The following PLCB4 variants were observed in gnomAD, a reference collection of about 807,000 sequenced individuals.
PLCB4 encodes phospholipase C beta 4.
A neutral mutation model predicts 178.8 loss-of-function variants in PLCB4; 77 were observed. The observed-to-expected ratio is 0.43, with a 90% CI of 0.36 to 0.52. The LOEUF is 0.52. Among genes scored for constraint, PLCB4 ranks in the 20% least tolerant of loss-of-function variants. PLCB4 has a pLI of 0.00. For missense variants in PLCB4, 1,024 were observed against 1,453.4 expected, an observed-to-expected ratio of 0.70 and a Z score of 4.80; for synonymous variants, 496 against 490.8, an observed-to-expected ratio of 1.01 and a Z score of -0.14.
intron 3 of PLCB4, among the ~76,000 whole-genome samples, chr20:9,291,253 G>A (rs2094577323): frequency 6.6e-6 from 1 of 152,134 alleles, no homozygotes; most frequent in South Asian, 2.1e-4. Flanking sequence ...TGATGTGAAT[G>A]AAATAGACTC....
intron 7 of PLCB4, 44 bp downstream of exon 7, chr20:9,339,081 A>G (rs1177337865): frequency 6.7e-7 from 1 of 1,484,462 alleles, no homozygotes; most frequent in South Asian, 1.2e-5. Flanking sequence ...CACCATGTAT[A>G]TATGTTGTGT....
At chr20:9,463,871 T>C (rs2043579348) in intron 35 of PLCB4, among the ~76,000 whole-genome samples, 2 of 152,054 alleles carry the variant, frequency 1.3e-5, no homozygotes, top group East Asian at 1.9e-4. Context: ...GACAGATCAA[T>C]GAGACAGAAG....
intron 2 of PLCB4, among the ~76,000 whole-genome samples, chr20:9,148,370 T>C (rs893248526): frequency 6.6e-6 from 1 of 152,106 alleles, no homozygotes; most frequent in Non-Finnish European, 1.5e-5. Context: ...ATATAAATGA[T>C]TTTTGAAATA....
chr20:9,420,743 T>C (rs537596017), intron 26 of PLCB4, among the ~76,000 whole-genome samples: 36 of 152,380 alleles, frequency 2.4e-4, no homozygotes, highest in African/African-American at 8.4e-4. Context: ...TAAGTGGCTA[T>C]AGTCATTTAA....
intron 2 of PLCB4, among the ~76,000 whole-genome samples, chr20:9,163,906 A>G (rs111751698): frequency 1.5e-3 from 234 of 152,268 alleles, no homozygotes; most frequent in African/African-American, 5.2e-3. Context: ...ATTAAGATGA[A>G]CCACCTGCTT....
chr20:9,297,165 C>G (rs73600228), intron 3 of PLCB4, among the ~76,000 whole-genome samples: 1 of 151,526 alleles, frequency 6.6e-6, no homozygotes, highest in Non-Finnish European at 1.5e-5. Flanking sequence ...GCACCCCCCC[C>G]CACACCATAT....
chr20:9,400,776 T>A (rs2038964535), intron 19 of PLCB4, among the ~76,000 whole-genome samples: 1 of 152,186 alleles, frequency 6.6e-6, no homozygotes, highest in South Asian at 2.1e-4. Context: ...ACGAACATCC[T>A]GGGTGGATTC....
Position 9,443,994 on chromosome 20 carries a change from C to G in PLCB4, c.2778C>G (p.Ile926Met), listed in dbSNP as rs144853204. ...TTGTTTGTTTAGGTATTGAACTTAT[C>G]CCTCAAGTAAGGATAGAAGACTTAA... Reference protein sequence around the residue: ...GVEAKKGIELIPQVRIEDLKQ... With the variant: ...GVEAKKGIELMPQVRIEDLKQ... Residue 926 changes from isoleucine to methionine, a missense_variant, in exon 31 of 40, where the codon ATC becomes ATG. Physicochemically the swap from Ile to Met is conservative, Grantham distance 10. Coordinates refer to ENST00000378473, the MANE Select transcript of PLCB4 (RefSeq NM_001377142.1). The G allele has an allele frequency of 6.3e-7, 1 of 1,592,192 alleles. No homozygotes were observed. The highest frequency in any genetic ancestry group is 2.2e-5 in the East Asian group (1 of 44,658).
chr20:9,473,189 AAAT>A, intron 37 of PLCB4, 87 bp from the exon 38 acceptor site: 4 of 733,354 alleles, frequency 5.5e-6, no homozygotes, highest in Non-Finnish European at 8.7e-6. Context: ...TCTTTCACTT[AAAT>A]TATAAAGTTA....
At chr20:9,408,596 C>T (rs2039630779) in intron 22 of PLCB4, 37 bp from the exon 23 acceptor site, 6 of 1,021,402 alleles carry the variant, frequency 5.9e-6, no homozygotes, top group Admixed American at 1.8e-5. Flanking sequence ...GGTTTGATGG[C>T]AGAGTTCCTG....
chr20:9,334,947 G>T (rs1043159525), intron 4 of PLCB4, among the ~76,000 whole-genome samples: 4 of 152,020 alleles, frequency 2.6e-5, no homozygotes, highest in African/African-American at 9.7e-5. Context: ...CCAAGGAAGT[G>T]AAAGTTCACT....
Position 9,405,333 on chromosome 20 carries a change from T to C in PLCB4, c.1632T>C (p.His544=), listed in dbSNP as rs778431235. ...ATTAGGCTTCAGATGACCTTGAACA[T>C]GAAAACAACAAAAAGGTAACAAAAT... ...SVKKASDDLE[H]ENNKKGLVTV... The change falls in exon 21 of 40, where the codon CAT becomes CAC. Residue 544 remains histidine (H), a synonymous_variant. Transcript: ENST00000378473. The C allele has an allele frequency of 3.2e-6, 5 of 1,547,452 alleles. No homozygotes were observed. The Admixed American group carries it at 7.6e-5, about 23-fold the overall frequency.
At chr20:9,212,496 T>G (rs1854392072) in intron 2 of PLCB4, among the ~76,000 whole-genome samples, 1 of 152,234 alleles carries the variant, frequency 6.6e-6, no homozygotes, top group Admixed American at 6.5e-5. Context: ...TTTGTAGGTT[T>G]CTTCCTCCTC....
At chr20:9,204,519 C>T (rs2093592186) in intron 2 of PLCB4, among the ~76,000 whole-genome samples, 1 of 152,012 alleles carries the variant, frequency 6.6e-6, no homozygotes, top group Non-Finnish European at 1.5e-5. Context: ...AGCACCATGC[C>T]TGGCTATTTT....
intron 4 of PLCB4, among the ~76,000 whole-genome samples, chr20:9,308,356 T>C (rs2094794760): frequency 6.6e-6 from 1 of 152,230 alleles, no homozygotes; most frequent in Admixed American, 6.5e-5. Flanking sequence ...TTTGCATGCC[T>C]CTGATTCTAT....
At chr20:9,452,439 T>A (rs1052518501) in intron 32 of PLCB4, among the ~76,000 whole-genome samples, 2 of 152,168 alleles carry the variant, frequency 1.3e-5, no homozygotes, top group African/African-American at 4.8e-5. Flanking sequence ...ATGAATAGCA[T>A]CCCATTTTTC....
At chr20:9,120,780 C>T (rs111706705) in intron 2 of PLCB4, among the ~76,000 whole-genome samples, 6 of 152,134 alleles carry the variant, frequency 3.9e-5, no homozygotes, top group African/African-American at 9.7e-5. Context: ...TTAACTAGAC[C>T]GTCAGGAGCC....
chr20:9,270,693 G>A (rs2094394572), intron 3 of PLCB4, among the ~76,000 whole-genome samples: 1 of 151,928 alleles, frequency 6.6e-6, no homozygotes, highest in Non-Finnish European at 1.5e-5. Context: ...AGGTTATATA[G>A]TTTAATTATG....
chr20:9,410,956 TA>T, intron 24 of PLCB4, 80 bp from the exon 25 acceptor site: 1 of 947,332 alleles, frequency 1.1e-6, no homozygotes, highest in Non-Finnish European at 1.7e-6. Context: ...AGCAATCTGA[TA>T]CCTATTGTTT....
Sources: gnomAD v4.1 joint callset for allele counts (sites outside exome capture counted in the v4.1 genomes callset) on GRCh38, gnomAD v4.1.1 for gene constraint, MANE v1.5 for transcripts, NCBI Gene and HGNC (gene_info 2026-07-23, HGNC 2026-07-21) for gene names.